SH3BP5: variants seen among roughly 807,000 people sequenced by gnomAD.
SH3BP5 encodes SH3 domain binding protein 5, also known as SH3 domain-binding protein 5.
A neutral mutation model predicts 43.3 loss-of-function variants in SH3BP5; 22 were observed. The ratio of observed to expected loss-of-function variants is 0.51; its 90% CI spans 0.36 to 0.73. The LOEUF (loss-of-function observed/expected upper bound fraction) is 0.73, where lower values mean the gene tolerates loss of function less well. Ranked by LOEUF, SH3BP5 falls within the 30% of genes least tolerant of loss-of-function variation. The pLI is 0.00. For missense variants in SH3BP5, 529 were observed against 586.9 expected (o/e 0.90, Z 1.02); for synonymous variants, 255 against 225.8 (o/e 1.13, Z -1.16).
chr3:15,330,525 G>A lies in SH3BP5; in HGVS notation c.180C>T (p.Asn60=). ...GTACCTCAAGTTCAGTCTCCCGTCT[G>A]TTGATATCATCCGTGGACTGATTTA... ...EKLNQSTDDI[N]RRETELEDAR... is the part of the protein sequence containing the mutation. Residue 60 remains asparagine, a synonymous_variant, in exon 2 of 9, where the codon AAC becomes AAT. Transcript: ENST00000383791. 6.2e-7 allele frequency: 1 copy of A among 1,613,434 alleles called. No homozygotes were observed. The highest frequency in any genetic ancestry group is 8.5e-7 in the Non-Finnish European group (1 of 1,179,614).
chr3:15,273,024 C>T (rs931655281), intron 3 of SH3BP5: 10 of 595,572 alleles, frequency 1.7e-5, no homozygotes, highest in African/African-American at 6.1e-5. Context: ...GCAGGGCCTC[C>T]GCAGGCCAAG....
intron 5 of SH3BP5, chr3:15,260,074 C>T (rs1489640041): frequency 2.0e-6 from 1 of 502,818 alleles, no homozygotes; most frequent in East Asian, 3.7e-5. Context: ...CTTGGGGACT[C>T]TGCAACTTAG....
chr3:15,325,697 C>G (rs984329442), intron 2 of SH3BP5, among the ~76,000 whole-genome samples: 1 of 152,200 alleles, frequency 6.6e-6, no homozygotes, highest in Non-Finnish European at 1.5e-5. Context: ...GCCCCCATCA[C>G]GTAGTAGGTG....
intron 6 of SH3BP5, 56 bp downstream of exon 6, chr3:15,259,705 T>G: frequency 6.5e-7 from 1 of 1,528,976 alleles, no homozygotes; most frequent in Non-Finnish European, 9.1e-7. Context: ...CCCAGAAAAG[T>G]GAAGCTTTGA....
chr3:15,263,598 T>TA (rs1171971370), intron 4 of SH3BP5, among the ~76,000 whole-genome samples: 1 of 152,146 alleles, frequency 6.6e-6, no homozygotes, highest in Non-Finnish European at 1.5e-5. Context: ...TGGGAACACT[T>TA]TGTTAAGTCT....
chr3:15,290,864 T>C (rs1575315775), intron 3 of SH3BP5, among the ~76,000 whole-genome samples: 1 of 151,574 alleles, frequency 6.6e-6, no homozygotes, highest in Non-Finnish European at 1.5e-5. Flanking sequence ...CTAATAAATA[T>C]CAAACTAATA....
intron 2 of SH3BP5, among the ~76,000 whole-genome samples, chr3:15,306,054 T>TAAAAAA (rs60186514): frequency 7.3e-6 from 1 of 137,028 alleles, no homozygotes; most frequent in Non-Finnish European, 1.5e-5. Flanking sequence ...TGCATGAGTT[T>TAAAAAA]AAAAAAAAAA....
intron 3 of SH3BP5, among the ~76,000 whole-genome samples, chr3:15,295,109 C>T (rs1036538862): frequency 6.6e-6 from 1 of 152,200 alleles, no homozygotes; most frequent in Admixed American, 6.5e-5. Flanking sequence ...CACAGTGACA[C>T]ACTCCCTAGC....
At chr3:15,323,553 G>A (rs1698388786) in intron 2 of SH3BP5, among the ~76,000 whole-genome samples, 2 of 152,230 alleles carry the variant, frequency 1.3e-5, no homozygotes, top group South Asian at 4.1e-4. Flanking sequence ...GGCTACCCAG[G>A]GATGTAGGCA....
rs1226924062 is a variant in SH3BP5, at chr3:15,255,064, T to TAA, written c.*1021_*1022insTT. 6.6e-6 allele frequency: 1 copy of TAA among 152,580 alleles called. No individual in the cohort carries two copies. The highest frequency in any genetic ancestry group is 1.5e-5 in the Non-Finnish European group (1 of 68,028). The allele number at this position is 152,580 out of a possible 1,614,324, so 9.5% of individuals were successfully genotyped here. On this transcript the variant is annotated 3_prime_UTR_variant, in exon 9 of 9. Transcript: ENST00000383791. ...CTAAATTTTCTTAACAAGACAAAAATACAGTGCTCTAAATATGCATTACCA... is the reference window on the plus strand; with the variant it reads ...CTAAATTTTCTTAACAAGACAAAAATAAACAGTGCTCTAAATATGCATTACCA...
At chr3:15,278,457 G>C (rs1697032871) in intron 3 of SH3BP5, among the ~76,000 whole-genome samples, 1 of 152,176 alleles carries the variant, frequency 6.6e-6, no homozygotes, top group Non-Finnish European at 1.5e-5. Flanking sequence ...TGGACTGCCT[G>C]AGTCCTTCCA....
At chr3:15,304,417 G>A (rs9828229) in intron 2 of SH3BP5, 186 bp from the exon 3 acceptor site, 307,606 of 868,940 alleles carry the variant, frequency 0.35, 56,788 homozygotes, top group East Asian at 0.59. Flanking sequence ...CGGCGGAAAC[G>A]TCCTGTGCTC....
chr3:15,273,109 C>T, intron 3 of SH3BP5: 15 of 983,980 alleles, frequency 1.5e-5, no homozygotes, highest in Non-Finnish European at 1.7e-5. Flanking sequence ...TAGGTGGCCT[C>T]TCCTACCTAT....
At chr3:15,318,563 T>C (rs1227928542) in intron 2 of SH3BP5, among the ~76,000 whole-genome samples, 2 of 65,424 alleles carry the variant, frequency 3.1e-5, no homozygotes, top group Non-Finnish European at 8.1e-5. Flanking sequence ...TCCTATGTTT[T>C]TGTTTTTGTT....
intron 2 of SH3BP5, among the ~76,000 whole-genome samples, chr3:15,308,863 T>C (rs984975970): frequency 3.3e-5 from 5 of 152,170 alleles, no homozygotes; most frequent in African/African-American, 7.2e-5. Context: ...TTTCTTCCCA[T>C]AGGGTTACTT....
At chr3:15,260,603 AT>A (rs1371930129) in intron 5 of SH3BP5, 1 of 152,176 alleles carries the variant, frequency 6.6e-6, no homozygotes, top group Admixed American at 6.5e-5. Flanking sequence ...AAATCCTGAA[AT>A]TTGGGGGGAG....
intron 3 of SH3BP5, among the ~76,000 whole-genome samples, chr3:15,300,147 G>GA (rs1299592285): frequency 6.6e-6 from 1 of 150,484 alleles, no homozygotes; most frequent in Non-Finnish European, 1.5e-5. Flanking sequence ...TCTTTTTTTT[G>GA]AAAAAAATAT....
chr3:15,300,501 CGGGGGCG>C (rs926186087), intron 3 of SH3BP5, among the ~76,000 whole-genome samples: 2 of 57,718 alleles, frequency 3.5e-5, no homozygotes, highest in Non-Finnish European at 9.6e-5. Context: ...AAAAAGGAAG[CGGGGGCG>C]GGGGGACAAG....
At chr3:15,309,537 C>G (rs138067563) in intron 2 of SH3BP5, among the ~76,000 whole-genome samples, 5 of 152,264 alleles carry the variant, frequency 3.3e-5, no homozygotes, top group African/African-American at 1.2e-4. Context: ...CAACACCATG[C>G]CTGCTTTTTT....
Sources: allele counts gnomAD v4.1 joint callset (sites outside exome capture counted in the v4.1 genomes callset), GRCh38; gene constraint gnomAD v4.1.1; transcripts MANE v1.5; gene names NCBI Gene and HGNC (gene_info 2026-07-23, HGNC 2026-07-21).